The following GABRB1 variants were observed in gnomAD, a reference collection of about 807,000 sequenced individuals.
GABRB1 encodes the protein gamma-aminobutyric acid receptor subunit beta-1.
In GABRB1, 17 loss-of-function variants were observed where a neutral mutation model predicts 51.6. The observed-to-expected ratio is 0.33, with a 90% CI of 0.23 to 0.49. The LOEUF (loss-of-function observed/expected upper bound fraction) is 0.49. Among genes scored for constraint, GABRB1 ranks in the 20% least tolerant of loss-of-function variants. The pLI is 0.99. For synonymous variants in GABRB1, 247 were observed against 218.9 expected, an observed-to-expected ratio of 1.13 and a Z score of -1.14; for missense variants, 410 against 600.6, an observed-to-expected ratio of 0.68 and a Z score of 3.32.
At chr4:47,103,901 T>C (rs1166359695) in intron 3 of GABRB1, among the ~76,000 whole-genome samples, 1 of 151,772 alleles carries the variant, frequency 6.6e-6, no homozygotes, top group African/African-American at 2.4e-5. Flanking sequence ...ACACTTGATA[T>C]CAGCACATTT....
At chr4:47,301,281 G>C (rs1350676596) in intron 4 of GABRB1, among the ~76,000 whole-genome samples, 1 of 152,170 alleles carries the variant, frequency 6.6e-6, no homozygotes, top group East Asian at 1.9e-4. Context: ...CTCCAAAATG[G>C]TTCATGGGCA....
At chr4:47,042,358 A>G (rs1725882508) in intron 3 of GABRB1, among the ~76,000 whole-genome samples, 1 of 139,758 alleles carries the variant, frequency 7.2e-6, no homozygotes, top group Non-Finnish European at 1.5e-5. Flanking sequence ...GAATCACTTC[A>G]TGACAAATAT....
intron 5 of GABRB1, among the ~76,000 whole-genome samples, chr4:47,326,525 T>G (rs1263792381): frequency 1.3e-5 from 2 of 152,184 alleles, no homozygotes; most frequent in African/African-American, 2.4e-5. Flanking sequence ...AATATGTACA[T>G]ATAGAAAAAA....
intron 3 of GABRB1, among the ~76,000 whole-genome samples, chr4:47,154,568 G>A (rs1398706325): frequency 6.6e-6 from 1 of 151,996 alleles, no homozygotes; most frequent in African/African-American, 2.4e-5. Context: ...TTTAATGTAT[G>A]CAATTATTGG....
intron 3 of GABRB1, among the ~76,000 whole-genome samples, chr4:47,130,375 G>GTA (rs1553918089): frequency 3.6e-5 from 3 of 83,034 alleles, no homozygotes; most frequent in African/African-American, 8.3e-5. Flanking sequence ...GTGTGTGTGT[G>GTA]TGTGCTTTCT....
At chr4:47,128,287 A>C (rs1716253251) in intron 3 of GABRB1, among the ~76,000 whole-genome samples, 1 of 152,028 alleles carries the variant, frequency 6.6e-6, no homozygotes, top group Non-Finnish European at 1.5e-5. Context: ...GTACTAAAAA[A>C]GAAAAAAAGT....
chr4:47,367,422 C>T (rs578075557), intron 5 of GABRB1, among the ~76,000 whole-genome samples: 3 of 152,114 alleles, frequency 2.0e-5, no homozygotes, highest in African/African-American at 4.8e-5. Context: ...TTATTCTATC[C>T]TCCAAAGGCG....
At chr4:47,059,954 A>C (rs1240307410) in intron 3 of GABRB1, among the ~76,000 whole-genome samples, 1 of 152,182 alleles carries the variant, frequency 6.6e-6, no homozygotes, top group African/African-American at 2.4e-5. Context: ...CATCATTGCC[A>C]TTATTTCTAA....
intron 8 of GABRB1, among the ~76,000 whole-genome samples, chr4:47,421,570 A>G (rs1222381879): frequency 6.6e-6 from 1 of 152,244 alleles, no homozygotes; most frequent in South Asian, 2.1e-4. Context: ...CCATTTATAG[A>G]TAAGGGATCT....
chr4:47,034,357 A>G (rs1329257565), intron 3 of GABRB1, among the ~76,000 whole-genome samples: 2 of 152,182 alleles, frequency 1.3e-5, no homozygotes, highest in African/African-American at 4.8e-5. Context: ...AACTGAATTC[A>G]TACATAAGCT....
At chr4:47,296,080 G>C (rs1723980036) in intron 4 of GABRB1, among the ~76,000 whole-genome samples, 2 of 152,082 alleles carry the variant, frequency 1.3e-5, no homozygotes, top group South Asian at 2.1e-4. Flanking sequence ...TCACCACCAG[G>C]CCTGCCCTAA....
rs144466409 is a variant in GABRB1 at position 47,190,952 on chromosome 4, A to G, written c.461+29483A>G. Among the ~76,000 whole-genome samples the G allele has an allele frequency of 1.3e-3, 199 of 152,136 alleles. 1 individual carries two copies. The highest frequency in any genetic ancestry group is 4.1e-3 in the African/African-American group (170 of 41,518). ...GAGCCAGATCTAACTTGTACATGTA[A>G]TTTTTCCTCATACTCACATTGCACA... On this transcript the variant is annotated intron_variant, in intron 4 of 8. Transcript: ENST00000295454.
intron 4 of GABRB1, among the ~76,000 whole-genome samples, chr4:47,204,492 C>A (rs913565508): frequency 6.6e-6 from 1 of 152,082 alleles, no homozygotes; most frequent in Non-Finnish European, 1.5e-5. Flanking sequence ...CTCCCCCTAA[C>A]CCTAACACTA....
intron 3 of GABRB1, among the ~76,000 whole-genome samples, chr4:47,135,990 GGTTT>G (rs909691631): frequency 6.6e-5 from 10 of 151,822 alleles, no homozygotes; most frequent in African/African-American, 1.7e-4. Context: ...GTTTTTGTGG[GGTTT>G]GTTTGTTTGT....
chr4:47,402,461 C>T (rs1251670828), intron 5 of GABRB1, among the ~76,000 whole-genome samples: 2 of 152,250 alleles, frequency 1.3e-5, no homozygotes, highest in African/African-American at 4.8e-5. Flanking sequence ...TTAAAATATT[C>T]CTAAAATTAT....
chr4:47,042,368 T>C (rs1725882772), intron 3 of GABRB1, among the ~76,000 whole-genome samples: 1 of 31,952 alleles, frequency 3.1e-5, no homozygotes, highest in African/African-American at 6.7e-5. Flanking sequence ...ATGACAAATA[T>C]CAATGCATGT....
intron 4 of GABRB1, among the ~76,000 whole-genome samples, chr4:47,204,121 A>G (rs1720018093): frequency 6.6e-6 from 1 of 152,166 alleles, no homozygotes; most frequent in African/African-American, 2.4e-5. Flanking sequence ...GTAAATCACT[A>G]TATTTTTGAT....
At chr4:46,995,654 G>A (rs1250377736) in intron 1 of GABRB1, among the ~76,000 whole-genome samples, 1 of 151,966 alleles carries the variant, frequency 6.6e-6, no homozygotes, top group African/African-American at 2.4e-5. Context: ...GTAAGCCACC[G>A]CCTTACATTT....
intron 5 of GABRB1, among the ~76,000 whole-genome samples, chr4:47,398,937 C>T (rs938016468): frequency 6.6e-6 from 1 of 152,156 alleles, no homozygotes; most frequent in African/African-American, 2.4e-5. Context: ...ACTATAGGGG[C>T]CCGCCACCAC....
Sources: gnomAD v4.1 joint callset for allele counts (sites outside exome capture counted in the v4.1 genomes callset) on GRCh38, gnomAD v4.1.1 for gene constraint, MANE v1.5 for transcripts, NCBI Gene and HGNC (gene_info 2026-07-23, HGNC 2026-07-21) for gene names.